Variants in ZPBP observed in about 807,000 individuals in gnomAD.
ZPBP encodes the protein zona pellucida-binding protein 1.
ZPBP carries 26 observed loss-of-function variants against 44.8 expected under a neutral mutation model. That is an observed-to-expected ratio of 0.58 (90% CI 0.43 to 0.81). The LOEUF is 0.81. ZPBP is among the 30% of genes least tolerant of loss of function. ZPBP has a pLI of 0.00. For synonymous variants in ZPBP, 174 were observed against 153.2 expected (o/e 1.14, Z -1.00); for missense variants, 409 against 434.0 (o/e 0.94, Z 0.51).
At chr7:49,961,697 G>T (rs918323528) in intron 7 of ZPBP, among the ~76,000 whole-genome samples, 2 of 151,942 alleles carry the variant, frequency 1.3e-5, no homozygotes, top group Non-Finnish European at 2.9e-5. Flanking sequence ...GTCATTATTC[G>T]TGATCCCAAT....
At chr7:49,871,771 T>C (rs1476837726) in intron 2 of ZPBP, among the ~76,000 whole-genome samples, 1 of 151,956 alleles carries the variant, frequency 6.6e-6, no homozygotes, top group Non-Finnish European at 1.5e-5. Context: ...ATATTGTCCT[T>C]GGAAAACAGC....
chr7:49,845,266 A>G, the ZPBP span, among the ~76,000 whole-genome samples: 1 of 151,720 alleles, frequency 6.6e-6, no homozygotes, highest in African/African-American at 2.4e-5. Context: ...TACACTGCAC[A>G]TGTACCCTGG....
At chr7:49,970,827 C>T (rs1796272715) in intron 7 of ZPBP, among the ~76,000 whole-genome samples, 1 of 150,320 alleles carries the variant, frequency 6.7e-6, no homozygotes, top group African/African-American at 2.4e-5. Context: ...CTGGCCTGGG[C>T]AATATAGTGA....
At chr7:50,072,395 C>T (rs1416012062) in intron 3 of ZPBP, among the ~76,000 whole-genome samples, 2 of 152,242 alleles carry the variant, frequency 1.3e-5, no homozygotes, top group Non-Finnish European at 2.9e-5. Flanking sequence ...TCCCAGACAG[C>T]ACTTCTGAAC....
chr7:50,008,666 A>G (rs936290011), intron 6 of ZPBP, among the ~76,000 whole-genome samples: 1 of 152,090 alleles, frequency 6.6e-6, no homozygotes, highest in African/African-American at 2.4e-5. Flanking sequence ...GCATAAAGAC[A>G]GACAAACAGA....
intron 1 of ZPBP, among the ~76,000 whole-genome samples, chr7:49,901,659 C>G (rs898239211): frequency 6.6e-6 from 1 of 151,686 alleles, no homozygotes; most frequent in African/African-American, 2.4e-5. Flanking sequence ...AAACAAAATC[C>G]CAGGAAGCAA....
chr7:49,858,302 AC>A (rs1427942230), intron 2 of ZPBP, among the ~76,000 whole-genome samples: 1 of 152,088 alleles, frequency 6.6e-6, no homozygotes, highest in Non-Finnish European at 1.5e-5. Flanking sequence ...CTTGGAACCA[AC>A]CCAAATGTCC....
intron 3 of ZPBP, among the ~76,000 whole-genome samples, chr7:50,077,243 T>A (rs892173933): frequency 4.0e-5 from 6 of 151,806 alleles, no homozygotes; most frequent in Admixed American, 2.0e-4. Context: ...TATACAAAGA[T>A]CAAATCAAAA....
chr7:50,048,289 C>T (rs1800489200), intron 4 of ZPBP, among the ~76,000 whole-genome samples: 1 of 151,868 alleles, frequency 6.6e-6, no homozygotes, highest in Admixed American at 6.6e-5. Flanking sequence ...ACATCAATAT[C>T]CCACTTACAA....
chr7:50,022,570 T>A (rs1799147200), intron 5 of ZPBP, among the ~76,000 whole-genome samples: 1 of 151,774 alleles, frequency 6.6e-6, no homozygotes, highest in South Asian at 2.1e-4. Flanking sequence ...CTATAAATAA[T>A]GAAACACAAA....
chr7:49,886,703 T>C (rs1226442062), intron 2 of ZPBP, among the ~76,000 whole-genome samples: 1 of 152,156 alleles, frequency 6.6e-6, no homozygotes, highest in Non-Finnish European at 1.5e-5. Context: ...TTGTCACCTA[T>C]TATGTAGTTT....
At chr7:50,066,405 T>C (rs951073746) in intron 3 of ZPBP, among the ~76,000 whole-genome samples, 3 of 151,694 alleles carry the variant, frequency 2.0e-5, no homozygotes, top group African/African-American at 7.3e-5. Context: ...GTTCCTAACC[T>C]GGTTCCTGTA....
chr7:49,905,962 A>G (rs550552550), intron 1 of ZPBP, among the ~76,000 whole-genome samples: 123 of 150,076 alleles, frequency 8.2e-4, no homozygotes, highest in African/African-American at 9.8e-4. Flanking sequence ...GTTACCTTAT[A>G]TGGTCTAAAA....
intron 6 of ZPBP, among the ~76,000 whole-genome samples, chr7:50,014,943 C>G (rs1232476558): frequency 6.6e-6 from 1 of 151,996 alleles, no homozygotes; most frequent in Admixed American, 6.6e-5. Context: ...TGAAAAGGTA[C>G]TAAAGTTGAA....
intron 7 of ZPBP, among the ~76,000 whole-genome samples, chr7:49,964,250 T>A (rs1274696017): frequency 1.3e-5 from 2 of 151,946 alleles, no homozygotes; most frequent in African/African-American, 4.8e-5. Context: ...AGCATAGCTA[T>A]TCTCACAATT....
chr7:50,061,266 G>A (rs1055565408), intron 3 of ZPBP, among the ~76,000 whole-genome samples: 8 of 152,090 alleles, frequency 5.3e-5, no homozygotes, highest in African/African-American at 1.2e-4. Context: ...ACAAGAATGC[G>A]CACCCTCACC....
chr7:50,005,649 G>A, intron 6 of ZPBP, among the ~76,000 whole-genome samples: 1 of 151,648 alleles, frequency 6.6e-6, no homozygotes, highest in East Asian at 1.9e-4. Flanking sequence ...GAAATGAGAA[G>A]GGAAACAAAG....
downstream of ZPBP, chr7:49,937,411 AATG>A (rs1271544966): frequency 2.4e-5 from 19 of 804,284 alleles, no homozygotes; most frequent in Admixed American, 5.8e-5. Flanking sequence ...ATTTGATTAA[AATG>A]ATGACACATT....
chr7:49,895,624 G>A (rs988881446), intron 2 of ZPBP, among the ~76,000 whole-genome samples: 12 of 152,056 alleles, frequency 7.9e-5, no homozygotes, highest in Non-Finnish European at 1.3e-4. Context: ...CTGAAACCAT[G>A]CAAAATCAAC....
Sources: gnomAD v4.1 joint callset for allele counts (sites outside exome capture counted in the v4.1 genomes callset) on GRCh38, gnomAD v4.1.1 for gene constraint, MANE v1.5 for transcripts, NCBI Gene and HGNC (gene_info 2026-07-23, HGNC 2026-07-21) for gene names.